Variants in ZCCHC2 observed in about 807,000 individuals in gnomAD.
ZCCHC2 encodes the protein zinc finger CCHC domain-containing protein 2.
Under a neutral mutation model 103.6 loss-of-function variants are expected in ZCCHC2, and 39 were observed. The observed-to-expected ratio is 0.38, with a 90% confidence interval of 0.29 to 0.49. The LOEUF (loss-of-function observed/expected upper bound fraction) is 0.49. Among genes scored for constraint, ZCCHC2 ranks in the 20% least tolerant of loss-of-function variants. The pLI, the probability that ZCCHC2 is intolerant of heterozygous loss-of-function variation, is 0.96. For missense variants in ZCCHC2, 1,483 were observed against 1,491.0 expected (o/e 0.99, Z 0.09); for synonymous variants, 687 against 608.9 (o/e 1.13, Z -1.89).
chr18:62,538,273 A>AG (rs1248693277), intron 1 of ZCCHC2, among the ~76,000 whole-genome samples: 2 of 151,198 alleles, frequency 1.3e-5, no homozygotes, highest in African/African-American at 4.9e-5. Flanking sequence ...AAAAAAAAAA[A>AG]AAAAGAAAGA....
At chr18:62,552,360 T>C (rs560829389) in intron 5 of ZCCHC2, 4 of 152,336 alleles carry the variant, frequency 2.6e-5, no homozygotes, top group African/African-American at 9.6e-5. Context: ...TTGGCAAAAC[T>C]TAAATGGGAT....
At chr18:62,582,075 T>C (rs369563921), downstream of ZCCHC2, among the ~76,000 whole-genome samples, 10 of 152,322 alleles carry the variant, frequency 6.6e-5, 1 homozygote, top group South Asian at 2.1e-3. Flanking sequence ...GTTTCAAGAT[T>C]TGTGGGTACA....
intron 3 of ZCCHC2, 144 bp from the exon 4 acceptor site, chr18:62,544,658 T>A: frequency 1.6e-6 from 1 of 630,230 alleles, no homozygotes; most frequent in South Asian, 2.4e-5. Flanking sequence ...TTTGAAATTA[T>A]GACAATGCCA....
At chr18:62,559,569 G>T (rs963625250) in intron 7 of ZCCHC2, among the ~76,000 whole-genome samples, 2 of 152,206 alleles carry the variant, frequency 1.3e-5, no homozygotes, top group Non-Finnish European at 2.9e-5. Flanking sequence ...GAAATTTGGT[G>T]CTGTGTAGTG....
At chr18:62,573,889 G>A (rs1916689817) in intron 12 of ZCCHC2, among the ~76,000 whole-genome samples, 168 bp from the exon 13 acceptor site, 1 of 151,862 alleles carries the variant, frequency 6.6e-6, no homozygotes, top group Admixed American at 6.6e-5. Context: ...ATCTAATATC[G>A]ACCCATAGAA....
intron 11 of ZCCHC2, among the ~76,000 whole-genome samples, chr18:62,565,384 C>T (rs760779404): frequency 1.3e-5 from 2 of 152,162 alleles, no homozygotes; most frequent in Non-Finnish European, 2.9e-5. Flanking sequence ...CAGCCAGTTC[C>T]AACTCAGGAG....
At chr18:62,553,610 CA>C (rs926302274) in intron 5 of ZCCHC2, among the ~76,000 whole-genome samples, 5 of 152,064 alleles carry the variant, frequency 3.3e-5, no homozygotes, top group African/African-American at 9.7e-5. Context: ...TGTAATTGGT[CA>C]AAAGTTACAT....
chr18:62,574,794 G>C lies in ZCCHC2; in HGVS notation c.2713G>C (p.Ala905Pro), dbSNP rs774124434. 2.5e-6 allele frequency: 4 copies of C among 1,613,972 alleles called. No homozygotes were observed. Among genetic ancestry groups the C allele is most frequent in the Non-Finnish European group, 3.4e-6 (4 of 1,179,878 alleles). Residue 905 changes from alanine (A) to proline (P), a missense_variant, in exon 13 of 14, where the codon GCT becomes CCT. This residue lies in a region of ZCCHC2 where 884 missense variants were observed against 907.5 expected (regional missense o/e 0.97). Transcript: ENST00000269499. ...PTNVKVVLPAAGLSAAQPPAS... is the reference protein window; with the variant it reads ...PTNVKVVLPAPGLSAAQPPAS... ...CAATGTGAAGGTAGTTCTTCCAGCA[G>C]CTGGCCTCTCAGCTGCTCAGCCACC...
rs977538288 is a variant in ZCCHC2, at chr18:62,570,190, A to G, written c.1934A>G (p.Asp645Gly). Residue 645 changes from aspartate to glycine, a missense_variant, in exon 12 of 14, where the codon GAT becomes GGT. Around this residue, in one of 3 missense-constraint regions of ZCCHC2, gnomAD observed 884 missense variants for 907.5 expected, o/e 0.97. Coordinates refer to ENST00000269499, the MANE Select transcript of ZCCHC2 (RefSeq NM_017742.6). ...SYSSPSSPRH[D>G]GRESFESEEE... ...AGTTCTCCATCTAGTCCCCGACATGATGGAAGAGAAAGTTTTGAAAGTGAA... is the reference window on the plus strand; with the variant it reads ...AGTTCTCCATCTAGTCCCCGACATGGTGGAAGAGAAAGTTTTGAAAGTGAA... 9 of 1,611,708 alleles carry G rather than the reference A, an allele frequency of 5.6e-6. No homozygotes were observed. Among genetic ancestry groups the G allele is most frequent in the Admixed American group, 1.7e-5 (1 of 59,770 alleles).
chr18:62,553,156 A>ATGTGTGTGTGTG (rs142422088), intron 5 of ZCCHC2, among the ~76,000 whole-genome samples: 3 of 139,856 alleles, frequency 2.1e-5, no homozygotes, highest in Admixed American at 1.4e-4. Flanking sequence ...CCTTAGATTT[A>ATGTGTGTGTGTG]TGTGTGTGTG....
intron 5 of ZCCHC2, among the ~76,000 whole-genome samples, chr18:62,553,390 T>G (rs1001652453): frequency 3.3e-5 from 5 of 152,158 alleles, no homozygotes; most frequent in African/African-American, 4.8e-5. Flanking sequence ...CCATTTTAGT[T>G]GTTTCTAAAT....
chr18:62,526,404 C>T (rs1463207220), intron 1 of ZCCHC2: 2 of 152,282 alleles, frequency 1.3e-5, no homozygotes, highest in Non-Finnish European at 2.9e-5. Context: ...TTAGGGTTAC[C>T]GTAACACATC....
In ZCCHC2 at chr18:62,575,399, A is replaced by T; in HGVS notation, c.3318A>T (p.Arg1106Ser). The change falls in exon 13 of 14, where the codon AGA becomes AGT. Residue 1106 changes from arginine (R) to serine (S), a missense_variant. By Grantham distance (110) the Arg-to-Ser change is moderately radical. Transcript: ENST00000269499. ...TGCAGCAGATGGCAGGATTTGGGAG[A>T]TTCTATCCTGTATATCCAGCACCTA... ...YGMQQMAGFGRFYPVYPAPNV... is the reference protein window; with the variant it reads ...YGMQQMAGFGSFYPVYPAPNV... The T allele has an allele frequency of 6.2e-7, 1 of 1,613,972 alleles. No homozygotes were observed. Among genetic ancestry groups the T allele is most frequent in the Non-Finnish European group, 8.5e-7 (1 of 1,179,890 alleles).
Position 62,544,938 on chromosome 18 carries a change from G to T in ZCCHC2, c.1200+65G>T. The T allele has an allele frequency of 3.8e-6, 5 of 1,305,954 alleles. No homozygotes were observed. The South Asian group carries it at 4.5e-5, about 12-fold the overall frequency. The allele number at this position is 1,305,954 out of a possible 1,614,324, so 80.9% of individuals were successfully genotyped here. A position where few individuals can be genotyped will look rare whatever the true frequency, so the allele number is the denominator to read the frequency against. ...ATATACAGAATCCAGAAACCTCAAC[G>T]TCAAAAAAACACCAGGAAAATTAAA... is the stretch of plus-strand genomic sequence containing the variant. On this transcript the variant is annotated intron_variant, in intron 4 of 13. Coordinates refer to ENST00000269499, the MANE Select transcript of ZCCHC2 (RefSeq NM_017742.6).
intron 7 of ZCCHC2, 41 bp from the exon 8 acceptor site, chr18:62,560,546 G>A: frequency 3.2e-6 from 5 of 1,571,306 alleles, no homozygotes; most frequent in Non-Finnish European, 4.4e-6. Flanking sequence ...GGTTTTTGCT[G>A]CAGCATTTAG....
chr18:62,544,709 T>G, intron 3 of ZCCHC2, 93 bp from the exon 4 acceptor site: 2 of 996,902 alleles, frequency 2.0e-6, no homozygotes. Flanking sequence ...TAGTAAAATT[T>G]AAGTAAGGCC....
chr18:62,574,296 G>A lies in ZCCHC2; in HGVS notation c.2215G>A (p.Ala739Thr). The A allele has an allele frequency of 6.2e-7, 1 of 1,614,034 alleles. No homozygotes were observed. The highest frequency in any genetic ancestry group is 8.5e-7 in the Non-Finnish European group (1 of 1,179,906). ...GAQKSEVVVP[A>T]PKPADGKTIG... ...CCAGAAGTCTGAAGTTGTCGTTCCTGCACCCAAACCCGCTGATGGCAAAAC... is the reference window on the plus strand; with the variant it reads ...CCAGAAGTCTGAAGTTGTCGTTCCTACACCCAAACCCGCTGATGGCAAAAC... The change falls in exon 13 of 14, where the codon GCA becomes ACA. Residue 739 changes from alanine to threonine, a missense_variant. Coordinates refer to ENST00000269499, the MANE Select transcript of ZCCHC2 (RefSeq NM_017742.6).
chr18:62,539,742 C>T lies in ZCCHC2; in HGVS notation c.1001C>T (p.Pro334Leu). 13 of 1,608,232 alleles carry T rather than the reference C, an allele frequency of 8.1e-6. No homozygotes were observed. The highest frequency in any genetic ancestry group is 8.5e-6 in the Non-Finnish European group (10 of 1,177,364). The change falls in exon 2 of 14, where the codon CCA becomes CTA. Residue 334 changes from proline to leucine, a missense_variant. Pro to Leu is a moderately conservative substitution (Grantham distance 98). This residue lies in a region of ZCCHC2 where 568 missense variants were observed against 525.1 expected (regional missense o/e 1.08). Coordinates refer to ENST00000269499, the MANE Select transcript of ZCCHC2 (RefSeq NM_017742.6). ...GAGAGCAGCTTAATAGAGCAAGCTC[C>T]AATACCTCAGGACGGACTTACCGTG... ...NNESSLIEQA[P>L]IPQDGLTVAP...
intron 11 of ZCCHC2, among the ~76,000 whole-genome samples, chr18:62,566,536 G>A (rs899502668): frequency 1.3e-5 from 2 of 152,188 alleles, no homozygotes; most frequent in African/African-American, 4.8e-5. Flanking sequence ...CTGCTGCCGT[G>A]TTTGTTTTCT....
Sources: gnomAD v4.1 joint callset for allele counts (sites outside exome capture counted in the v4.1 genomes callset) on GRCh38, gnomAD v4.1.1 for gene constraint, gnomAD v4.1.1 regional missense constraint, MANE v1.5 for transcripts, NCBI Gene and HGNC (gene_info 2026-07-23, HGNC 2026-07-21) for gene names.